FUT9: variants seen among roughly 807,000 people sequenced by gnomAD.
FUT9 encodes the protein 4-galactosyl-N-acetylglucosaminide 3-alpha-L-fucosyltransferase 9.
In FUT9, 15 loss-of-function variants were observed where a neutral mutation model predicts 29.7. The ratio of observed to expected loss-of-function variants is 0.51; its 90% CI spans 0.34 to 0.78. FUT9 has a LOEUF of 0.78. Ranked by LOEUF, FUT9 falls within the 30% of genes least tolerant of loss-of-function variation. The pLI, the probability that FUT9 is intolerant of heterozygous loss-of-function variation, is 0.01. For synonymous variants in FUT9, 169 were observed against 153.7 expected, an observed-to-expected ratio of 1.10 and a Z score of -0.74; for missense variants, 319 against 425.4, an observed-to-expected ratio of 0.75 and a Z score of 2.20.
At chr6:96,161,946 C>A (rs1202917208) in intron 2 of FUT9, among the ~76,000 whole-genome samples, 3 of 152,142 alleles carry the variant, frequency 2.0e-5, no homozygotes, top group Non-Finnish European at 2.9e-5. Context: ...CTCATTGATT[C>A]TTTCTTTATC....
chr6:96,166,810 A>G (rs1050165278), intron 2 of FUT9, among the ~76,000 whole-genome samples: 11 of 152,144 alleles, frequency 7.2e-5, no homozygotes, highest in Non-Finnish European at 1.5e-5. Context: ...TACTATTTGT[A>G]TATAACCCCT....
intron 2 of FUT9, among the ~76,000 whole-genome samples, chr6:96,164,899 G>A (rs1435772024): frequency 1.3e-5 from 2 of 152,168 alleles, no homozygotes; most frequent in Non-Finnish European, 2.9e-5. Context: ...ATGTTCAATA[G>A]CCATGTATGG....
At chr6:96,059,584 TGGA>T (rs571785206) in intron 1 of FUT9, among the ~76,000 whole-genome samples, 57 of 152,294 alleles carry the variant, frequency 3.7e-4, no homozygotes, top group African/African-American at 1.2e-3. Flanking sequence ...ATCTTAAGGT[TGGA>T]GGAGATTTTT....
At chr6:96,090,499 A>G (rs1771393522) in intron 1 of FUT9, among the ~76,000 whole-genome samples, 2 of 152,086 alleles carry the variant, frequency 1.3e-5, no homozygotes, top group South Asian at 4.1e-4. Flanking sequence ...CTCAAATTTT[A>G]CTATTTATAT....
At chr6:96,164,151 A>G (rs1413302680) in intron 2 of FUT9, among the ~76,000 whole-genome samples, 2 of 151,982 alleles carry the variant, frequency 1.3e-5, no homozygotes, top group Non-Finnish European at 2.9e-5. Context: ...GTGTATTCAA[A>G]GATTTTCTGA....
intron 1 of FUT9, among the ~76,000 whole-genome samples, chr6:96,113,447 C>A (rs1771847884): frequency 6.6e-6 from 1 of 151,576 alleles, no homozygotes; most frequent in Admixed American, 6.6e-5. Flanking sequence ...CCATGTTGGC[C>A]AAGCTGGTCT....
At chr6:96,038,155 C>T (rs2493346) in intron 1 of FUT9, among the ~76,000 whole-genome samples, 113,815 of 152,062 alleles carry the variant, frequency 0.75, 43,286 homozygotes, top group East Asian at 0.94. Flanking sequence ...AATTACAACA[C>T]TTTTAGGAAG....
chr6:96,092,286 C>T (rs553106645), intron 1 of FUT9, among the ~76,000 whole-genome samples: 1 of 152,054 alleles, frequency 6.6e-6, no homozygotes, highest in African/African-American at 2.4e-5. Flanking sequence ...ACTGAGTGCA[C>T]CAGTCAATTG....
At chr6:96,050,358 G>A (rs530451744) in intron 1 of FUT9, among the ~76,000 whole-genome samples, 2 of 152,244 alleles carry the variant, frequency 1.3e-5, no homozygotes, top group East Asian at 1.9e-4. Context: ...CAGAAATAGG[G>A]TTCTGTTTAC....
intron 2 of FUT9, among the ~76,000 whole-genome samples, chr6:96,127,945 C>A (rs899284062): frequency 1.3e-5 from 2 of 151,946 alleles, no homozygotes; most frequent in African/African-American, 2.4e-5. Context: ...CAGATAAATA[C>A]TTTTTAAATA....
intron 2 of FUT9, among the ~76,000 whole-genome samples, chr6:96,176,764 G>A (rs998874587): frequency 5.9e-5 from 9 of 152,048 alleles, no homozygotes; most frequent in African/African-American, 9.7e-5. Flanking sequence ...TTCTGCGGCC[G>A]GGATAATTTG....
chr6:96,184,282 G>C (rs1457847284), intron 2 of FUT9, among the ~76,000 whole-genome samples: 1 of 151,934 alleles, frequency 6.6e-6, no homozygotes, highest in Admixed American at 6.6e-5. Flanking sequence ...TTTCTGTGGT[G>C]TAAGTTGTAA....
chr6:96,112,181 A>G (rs776310923), intron 1 of FUT9, among the ~76,000 whole-genome samples: 7 of 152,190 alleles, frequency 4.6e-5, no homozygotes, highest in Non-Finnish European at 1.0e-4. Flanking sequence ...ACGGCTACCA[A>G]TACCTCCCAG....
intron 1 of FUT9, among the ~76,000 whole-genome samples, chr6:96,099,883 A>ATT (rs1183532206): frequency 6.6e-6 from 1 of 152,176 alleles, no homozygotes; most frequent in Admixed American, 6.5e-5. Flanking sequence ...CATTATGTGC[A>ATT]ATCTTTATTA....
In FUT9 at chr6:96,080,056, A is replaced by T. The variant is rs972521501; in HGVS notation, c.-97-33983A>T. Among the ~76,000 whole-genome samples, 12 of 152,110 alleles carry T rather than the reference A, an allele frequency of 7.9e-5. No individual in the cohort carries two copies. In the East Asian group the frequency reaches 2.3e-3, roughly 29 times the overall value. On this transcript the variant is annotated intron_variant, in intron 1 of 2. Transcript: ENST00000302103. ...CTCAGGACATTAAATATCAAAAGAA[A>T]TACAAATTCATATATATTTGTGACT...
At chr6:96,110,782 A>G (rs1771789633) in intron 1 of FUT9, among the ~76,000 whole-genome samples, 1 of 146,654 alleles carries the variant, frequency 6.8e-6, no homozygotes, top group Non-Finnish European at 1.5e-5. Context: ...CAGCTTCCTG[A>G]GTAGCTGGGA....
rs769703557 is a variant in FUT9, at chr6:96,214,553, C to G, written c.*10318C>G. On this transcript the variant is annotated 3_prime_UTR_variant, in exon 3 of 3. Transcript: ENST00000302103. The stretch of plus-strand genomic sequence containing the variant: ...AATTTGAAGCAGTCTTTGAAAATAA[C>G]AAAAATTATTCCATTTAATGAAGGG... 1.3e-4 allele frequency: 22 copies of G among 166,782 alleles called. No homozygotes were observed. Among genetic ancestry groups the G allele is most frequent in the Non-Finnish European group, 2.5e-4 (17 of 68,018 alleles). The allele number at this position is 166,782 out of a possible 1,614,324, so 10.3% of individuals were successfully genotyped here. A position where few individuals can be genotyped will look rare whatever the true frequency, so the allele number is the denominator to read the frequency against.
chr6:96,190,812 T>TA (rs1773493531), intron 2 of FUT9, among the ~76,000 whole-genome samples: 1 of 152,168 alleles, frequency 6.6e-6, no homozygotes, highest in Non-Finnish European at 1.5e-5. Context: ...ATTCATTTAA[T>TA]CTTTTTTCAA....
At chr6:96,044,447 T>G (rs2127934753) in intron 1 of FUT9, among the ~76,000 whole-genome samples, 1 of 152,214 alleles carries the variant, frequency 6.6e-6, no homozygotes, top group Non-Finnish European at 1.5e-5. Context: ...CCATGCCTGA[T>G]AAACTAAAGT....
Sources: allele counts gnomAD v4.1 joint callset (sites outside exome capture counted in the v4.1 genomes callset), GRCh38; gene constraint gnomAD v4.1.1; transcripts MANE v1.5; gene names NCBI Gene and HGNC (gene_info 2026-07-23, HGNC 2026-07-21).